Variants in SLC2A9 observed in about 807,000 individuals in gnomAD.
The protein encoded by SLC2A9 is solute carrier family 2, facilitated glucose transporter member 9.
Under a neutral mutation model 50.6 loss-of-function variants are expected in SLC2A9, and 39 were observed. The ratio of observed to expected loss-of-function variants is 0.77; its 90% CI spans 0.60 to 1.01. The LOEUF is 1.01. SLC2A9 is among the 50% of genes least tolerant of loss of function. SLC2A9 has a pLI of 0.00. For synonymous variants in SLC2A9, 324 were observed against 276.9 expected (o/e 1.17, Z -1.69); for missense variants, 686 against 677.6 (o/e 1.01, Z -0.14).
chr4:10,001,467 T>C (rs1759790735), intron 2 of SLC2A9, among the ~76,000 whole-genome samples: 1 of 152,230 alleles, frequency 6.6e-6, no homozygotes, highest in Admixed American at 6.5e-5. Context: ...CACCTTGATC[T>C]TGGACTTCTG....
rs147594491 is a variant in SLC2A9 at position 9,945,392 on chromosome 4, G to A, written c.682-3347C>T. Among the ~76,000 whole-genome samples, 421 of 152,356 alleles carry A rather than the reference G, an allele frequency of 2.8e-3. 5 individuals carry two copies. The highest frequency in any genetic ancestry group is 9.9e-3 in the African/African-American group (411 of 41,582). On this transcript the variant is annotated intron_variant, in intron 5 of 11. Coordinates refer to ENST00000264784, the MANE Select transcript of SLC2A9 (RefSeq NM_020041.3). ...GCACAGGCCTGCACACACTGTAGGT[G>A]TTCAACAGGAAAGAGTGGCTTTTAT...
At chr4:9,885,309 A>G (rs1483962396) in intron 10 of SLC2A9, among the ~76,000 whole-genome samples, 1 of 152,188 alleles carries the variant, frequency 6.6e-6, no homozygotes, top group Admixed American at 6.5e-5. Flanking sequence ...AATTGATAAG[A>G]ATGGAATTCA....
chr4:9,989,990 C>A (rs186022973), intron 3 of SLC2A9, among the ~76,000 whole-genome samples: 1 of 152,184 alleles, frequency 6.6e-6, no homozygotes, highest in Admixed American at 6.5e-5. Flanking sequence ...GTGAGCTCTT[C>A]ACCCTCCCCA....
rs751716406 is a variant in SLC2A9, at chr4:9,890,673, G to A, written c.1152C>T (p.Leu384=). 40 of 1,614,070 alleles carry A rather than the reference G, an allele frequency of 2.5e-5. No homozygotes were observed. The African/African-American group carries it at 3.5e-4, about 14-fold the overall frequency. Residue 384 remains leucine, a synonymous_variant, in exon 9 of 12, where the codon CTC becomes CTT. Transcript: ENST00000264784. ...VIEHLGRRPL[L]IGGFGLMGLF... ...GGCCCATGAGCCCAAAGCCACCAAT[G>A]AGGAGGGGTCTCCGTCCCAGGTGCT... is the stretch of plus-strand genomic sequence containing the variant.
chr4:9,880,004 G>A (rs908008922), intron 10 of SLC2A9: 2 of 985,290 alleles, frequency 2.0e-6, no homozygotes, highest in Non-Finnish European at 2.4e-6. Context: ...GCGGCCTCCT[G>A]GCCCTCTCCT....
At chr4:9,880,069 C>T (rs1048118996) in intron 10 of SLC2A9, 3 of 985,468 alleles carry the variant, frequency 3.0e-6, no homozygotes, top group Admixed American at 6.1e-5. Context: ...AGTCTCTCTG[C>T]CATTCAGCTC....
chr4:9,794,822 C>A (rs1397843662), downstream of SLC2A9, among the ~76,000 whole-genome samples: 1 of 152,088 alleles, frequency 6.6e-6, no homozygotes, highest in Non-Finnish European at 1.5e-5. Context: ...GGATCTGATA[C>A]TTTGGATTCC....
chr4:9,796,673 G>T (rs1340742103), downstream of SLC2A9, among the ~76,000 whole-genome samples: 1 of 152,190 alleles, frequency 6.6e-6, no homozygotes, highest in East Asian at 1.9e-4. Context: ...CCATAGGTCA[G>T]CTGTGGTTCT....
intron 5 of SLC2A9, among the ~76,000 whole-genome samples, chr4:9,946,904 C>T (rs920761202): frequency 2.6e-5 from 4 of 152,170 alleles, no homozygotes; most frequent in Non-Finnish European, 1.5e-5. Flanking sequence ...ATTTAGACAT[C>T]AGAATTGCCA....
At chr4:9,774,290 G>A (rs1165995212) in intron 1 of SLC2A9, among the ~76,000 whole-genome samples, 1 of 152,000 alleles carries the variant, frequency 6.6e-6, no homozygotes, top group Admixed American at 6.5e-5. Flanking sequence ...ACCACATCTG[G>A]CCAAAAAATG....
chr4:9,817,950 T>C (rs980041124), intron 3 of SLC2A9, among the ~76,000 whole-genome samples: 20 of 152,350 alleles, frequency 1.3e-4, no homozygotes, highest in Admixed American at 7.8e-4. Context: ...GCCGCATTCT[T>C]GGATTGACCA....
chr4:9,984,068 T>C (rs1027917311), intron 4 of SLC2A9, among the ~76,000 whole-genome samples: 1 of 152,230 alleles, frequency 6.6e-6, no homozygotes, highest in Non-Finnish European at 1.5e-5. Flanking sequence ...CAGCCATTAT[T>C]CTTATGGATA....
chr4:9,944,760 T>C lies in SLC2A9; in HGVS notation c.682-2715A>G, dbSNP rs1319490274. Reference sequence around the variant, plus strand: ...TCTGAACCTGGCTTTTTCCAGCAAGTGTTCAGAGATTTCCTGGAGATATTA... The same window carrying C: ...TCTGAACCTGGCTTTTTCCAGCAAGCGTTCAGAGATTTCCTGGAGATATTA... On this transcript the variant is annotated intron_variant, in intron 5 of 11. Coordinates refer to ENST00000264784, the MANE Select transcript of SLC2A9 (RefSeq NM_020041.3). 3.9e-5 allele frequency among the ~76,000 whole-genome samples: 6 copies of C among 152,270 alleles called. No individual in the cohort carries two copies. In the East Asian group the frequency reaches 1.2e-3, roughly 29 times the overall value.
intron 3 of SLC2A9, among the ~76,000 whole-genome samples, chr4:9,813,068 G>T (rs1427813346): frequency 6.6e-6 from 1 of 152,168 alleles, no homozygotes; most frequent in Non-Finnish European, 1.5e-5. Flanking sequence ...AAATGAGAAG[G>T]CTGATTATAA....
intron 10 of SLC2A9, among the ~76,000 whole-genome samples, chr4:9,853,902 G>C (rs1404530061): frequency 6.6e-6 from 1 of 152,084 alleles, no homozygotes; most frequent in African/African-American, 2.4e-5. Flanking sequence ...ACTTTTGGGT[G>C]AATGATGAAA....
intron 5 of SLC2A9, among the ~76,000 whole-genome samples, chr4:9,959,666 T>C (rs978281146): frequency 4.6e-5 from 7 of 152,216 alleles, no homozygotes; most frequent in African/African-American, 1.7e-4. Flanking sequence ...TTTGCTTGCA[T>C]TGTTTTGACT....
rs77434921 is a variant in SLC2A9 at position 9,780,539 on chromosome 4, G to A, written n.386-474C>T. ...GTCCAGGGTACAGGTGCGTTTGGTGGAGGGGGAGACTAGGAAGGGAGGAGA... is the reference window on the plus strand; with the variant it reads ...GTCCAGGGTACAGGTGCGTTTGGTGAAGGGGGAGACTAGGAAGGGAGGAGA... On this transcript the variant is annotated intron_variant and non_coding_transcript_variant, in intron 3 of 3. Transcript: ENST00000503803. 5.7e-3 allele frequency among the ~76,000 whole-genome samples: 863 copies of A among 152,278 alleles called. 32 individuals are homozygous for A. The East Asian group carries it at 0.082, about 14-fold the overall frequency.
chr4:9,783,259 C>T, intron 3 of SLC2A9: 1 of 1,614,242 alleles, frequency 6.2e-7, no homozygotes, highest in Non-Finnish European at 8.5e-7. Context: ...CAGCTGCCTA[C>T]ATCCACATGA....
intron 11 of SLC2A9, among the ~76,000 whole-genome samples, chr4:9,828,118 T>G (rs1343624196): frequency 6.6e-6 from 1 of 152,146 alleles, no homozygotes; most frequent in East Asian, 1.9e-4. Context: ...TGATGGCACC[T>G]CCATCCTTCT....
Sources: allele counts gnomAD v4.1 joint callset (sites outside exome capture counted in the v4.1 genomes callset), GRCh38; gene constraint gnomAD v4.1.1; transcripts MANE v1.5; gene names NCBI Gene and HGNC (gene_info 2026-07-23, HGNC 2026-07-21).